HECW1: variants seen among roughly 807,000 people sequenced by gnomAD.
The protein encoded by HECW1 is E3 ubiquitin-protein ligase HECW1.
Under a neutral mutation model 182.3 loss-of-function variants are expected in HECW1, and 61 were observed. The ratio of observed to expected loss-of-function variants is 0.33; its 90% CI spans 0.27 to 0.41. HECW1 has a LOEUF of 0.41. HECW1 is among the 10% of genes least tolerant of loss of function. HECW1 has a pLI of 1.00. For synonymous variants in HECW1, 859 were observed against 832.6 expected (o/e 1.03, Z -0.55); for missense variants, 1,739 against 2,108.9 (o/e 0.82, Z 3.44).
chr7:43,431,186 C>T (rs1584885359), intron 8 of HECW1, among the ~76,000 whole-genome samples: 2 of 152,334 alleles, frequency 1.3e-5, no homozygotes, highest in African/African-American at 4.8e-5. Context: ...CCTTCAATTA[C>T]ATTCACCATG....
chr7:43,195,556 A>G (rs1794380102), intron 2 of HECW1, among the ~76,000 whole-genome samples: 2 of 152,008 alleles, frequency 1.3e-5, no homozygotes, highest in Non-Finnish European at 1.5e-5. Context: ...CATCACTTCC[A>G]TCTCTTAGGC....
At chr7:43,376,818 A>G (rs2074349044) in intron 6 of HECW1, among the ~76,000 whole-genome samples, 1 of 152,086 alleles carries the variant, frequency 6.6e-6, no homozygotes, top group African/African-American at 2.4e-5. Flanking sequence ...GTGAGCCGAG[A>G]TCGTGCCATT....
At chr7:43,443,270 G>A (rs2152876639) in intron 10 of HECW1, among the ~76,000 whole-genome samples, 1 of 152,310 alleles carries the variant, frequency 6.6e-6, no homozygotes, top group East Asian at 1.9e-4. Context: ...CCATTTACAA[G>A]TTGCTGTTAA....
At chr7:43,153,650 T>C (rs1167813755) in intron 2 of HECW1, among the ~76,000 whole-genome samples, 2 of 152,148 alleles carry the variant, frequency 1.3e-5, no homozygotes, top group Admixed American at 6.5e-5. Context: ...CCAGCCTGCC[T>C]CTCCAAGAGC....
At chr7:43,246,433 A>G (rs1799383342) in intron 3 of HECW1, among the ~76,000 whole-genome samples, 1 of 152,226 alleles carries the variant, frequency 6.6e-6, no homozygotes, top group African/African-American at 2.4e-5. Flanking sequence ...ATTTTATGCT[A>G]TAAACACCGG....
At chr7:43,158,626 A>G (rs1337355799) in intron 2 of HECW1, among the ~76,000 whole-genome samples, 1 of 152,100 alleles carries the variant, frequency 6.6e-6, no homozygotes, top group Non-Finnish European at 1.5e-5. Flanking sequence ...ATCCTTTACA[A>G]TGAGGGCATG....
intron 11 of HECW1, among the ~76,000 whole-genome samples, chr7:43,448,216 G>T (rs1453960244): frequency 6.6e-6 from 1 of 152,168 alleles, no homozygotes; most frequent in Non-Finnish European, 1.5e-5. Context: ...CATAGATAAG[G>T]CTGCAACAAT....
chr7:43,409,895 A>G (rs1185650546), intron 8 of HECW1, among the ~76,000 whole-genome samples: 1 of 152,210 alleles, frequency 6.6e-6, no homozygotes, highest in Non-Finnish European at 1.5e-5. Context: ...TTGATCAGGC[A>G]TTGCTTACCA....
At position 43,271,851 on chromosome 7, in the gene HECW1, T is replaced by C. The variant is rs149464310; in HGVS notation, c.27+27919T>C. Among the ~76,000 whole-genome samples, 1,451 of 152,248 alleles carry C rather than the reference T, an allele frequency of 9.5e-3. 29 individuals carry two copies. Among genetic ancestry groups the C allele is most frequent in the African/African-American group, 0.033 (1,369 of 41,536 alleles). ...TTTTACAGAATTGGAAAAAACTATG[T>C]TAAAATTCATATGGAACCAAAAAGA... is the stretch of plus-strand genomic sequence containing the variant. On this transcript the variant is annotated intron_variant, in intron 3 of 29. Transcript: ENST00000395891.
Position 43,308,243 on chromosome 7 carries a change from AAT to A in HECW1, c.28-3509_28-3508del, listed in dbSNP as rs1466692862. ...GATATATTTTTATATAATAATATAT[AAT>A]ATATATATATTATATGATATATTTA... On this transcript the variant is annotated intron_variant, in intron 3 of 29. Coordinates refer to ENST00000395891, the MANE Select transcript of HECW1 (RefSeq NM_015052.5). Among the ~76,000 whole-genome samples, 207 of 56,192 alleles carry A rather than the reference AAT, an allele frequency of 3.7e-3. 17 individuals are homozygous for A. The highest frequency in any genetic ancestry group is 0.017 in the South Asian group (25 of 1,460). The allele number at this position is 56,192 out of a possible 152,430, so 36.9% of individuals were successfully genotyped here.
chr7:43,532,730 C>T (rs934654845), intron 24 of HECW1, among the ~76,000 whole-genome samples: 7 of 152,198 alleles, frequency 4.6e-5, no homozygotes, highest in Non-Finnish European at 1.0e-4. Context: ...CTCCCTGGCA[C>T]ATTCAGAAGG....
intron 8 of HECW1, among the ~76,000 whole-genome samples, chr7:43,416,288 G>A (rs2075992862): frequency 6.6e-6 from 1 of 151,238 alleles, no homozygotes; most frequent in African/African-American, 2.5e-5. Flanking sequence ...GTACCCTGCT[G>A]TGTGAGGTGT....
Position 43,299,880 on chromosome 7 carries a change from T to C in HECW1, c.28-11883T>C, listed in dbSNP as rs79523592. On this transcript the variant is annotated intron_variant, in intron 3 of 29. Transcript: ENST00000395891. ...TCAAAATAGAATTGTTCCTTTCTTTTACCATTCCCCTGAATAATTGCTAAT... is the reference window on the plus strand; with the variant it reads ...TCAAAATAGAATTGTTCCTTTCTTTCACCATTCCCCTGAATAATTGCTAAT... 1.5e-3 allele frequency among the ~76,000 whole-genome samples: 232 copies of C among 152,366 alleles called. 1 individual carries two copies. Among genetic ancestry groups the C allele is most frequent in the African/African-American group, 5.4e-3 (225 of 41,586 alleles).
At chr7:43,366,547 C>T (rs147495818) in intron 6 of HECW1, among the ~76,000 whole-genome samples, 4 of 152,318 alleles carry the variant, frequency 2.6e-5, no homozygotes, top group East Asian at 1.9e-4. Flanking sequence ...CACAGGTTGC[C>T]GACTGATGGG....
At chr7:43,266,474 A>G (rs776820033) in intron 3 of HECW1, among the ~76,000 whole-genome samples, 2 of 152,138 alleles carry the variant, frequency 1.3e-5, no homozygotes, top group Non-Finnish European at 2.9e-5. Context: ...AGCTGGGCTT[A>G]CAGGCATCTG....
At chr7:43,153,581 T>G (rs761081082) in intron 2 of HECW1, among the ~76,000 whole-genome samples, 4 of 152,160 alleles carry the variant, frequency 2.6e-5, no homozygotes, top group Non-Finnish European at 5.9e-5. Context: ...GTGCAGCTGA[T>G]CAAGGGACAG....
intron 2 of HECW1, among the ~76,000 whole-genome samples, chr7:43,202,615 A>C (rs899746130): frequency 6.6e-5 from 10 of 151,976 alleles, no homozygotes; most frequent in African/African-American, 2.4e-4. Flanking sequence ...CTGGGGTTAC[A>C]GGCACCTGCC....
chr7:43,157,448 A>T lies in HECW1; in HGVS notation c.-32+43057A>T, dbSNP rs139647688. Among the ~76,000 whole-genome samples the T allele has an allele frequency of 3.8e-3, 572 of 152,380 alleles. 5 individuals are homozygous for T. The highest frequency in any genetic ancestry group is 0.013 in the African/African-American group (529 of 41,596). On this transcript the variant is annotated intron_variant, in intron 2 of 29. Coordinates refer to ENST00000395891, the MANE Select transcript of HECW1 (RefSeq NM_015052.5). ...TAATAATTTTGACTGTAATATTCAG[A>T]TACTTACATGAAAACCATTGCTGTA...
intron 4 of HECW1, among the ~76,000 whole-genome samples, chr7:43,318,740 T>TCTGCA (rs1809658761): frequency 6.6e-6 from 1 of 152,230 alleles, no homozygotes; most frequent in Non-Finnish European, 1.5e-5. Flanking sequence ...ATGCAGCATG[T>TCTGCA]GAACTGCAGG....
Sources: gnomAD v4.1 joint callset for allele counts (sites outside exome capture counted in the v4.1 genomes callset) on GRCh38, gnomAD v4.1.1 for gene constraint, MANE v1.5 for transcripts, NCBI Gene and HGNC (gene_info 2026-07-23, HGNC 2026-07-21) for gene names.